Variants in BTAF1 observed in about 807,000 individuals in gnomAD.
BTAF1 encodes TATA-binding protein-associated factor 172.
BTAF1 carries 38 observed loss-of-function variants against 227.1 expected under a neutral mutation model. The ratio of observed to expected loss-of-function variants is 0.17; its 90% CI spans 0.13 to 0.22. The LOEUF (loss-of-function observed/expected upper bound fraction) is 0.22. Ranked by LOEUF, BTAF1 falls within the 10% of genes least tolerant of loss-of-function variation. The pLI is 1.00. For synonymous variants in BTAF1, 742 were observed against 751.9 expected, an observed-to-expected ratio of 0.99 and a Z score of 0.21; for missense variants, 1,598 against 2,204.0, an observed-to-expected ratio of 0.73 and a Z score of 5.51.
chr10:92,018,604 A>G (rs964445851), intron 33 of BTAF1, among the ~76,000 whole-genome samples, 179 bp from the exon 34 acceptor site: 5 of 152,246 alleles, frequency 3.3e-5, no homozygotes, highest in Non-Finnish European at 7.3e-5. Flanking sequence ...GAAACTGCAC[A>G]AGAATCTCAA....
chr10:91,970,469 C>T (rs986838322), intron 14 of BTAF1, among the ~76,000 whole-genome samples: 1 of 152,170 alleles, frequency 6.6e-6, no homozygotes, highest in Non-Finnish European at 1.5e-5. Flanking sequence ...GAGCAAGTCA[C>T]GTCCATGTGG....
chr10:91,979,272 C>T (rs1847917058), intron 14 of BTAF1, among the ~76,000 whole-genome samples: 1 of 152,078 alleles, frequency 6.6e-6, no homozygotes, highest in African/African-American at 2.4e-5. Context: ...AATAGTGTTG[C>T]AGTGAACATA....
At chr10:91,949,669 G>A (rs1429745934) in intron 4 of BTAF1, among the ~76,000 whole-genome samples, 1 of 152,174 alleles carries the variant, frequency 6.6e-6, no homozygotes, top group Non-Finnish European at 1.5e-5. Flanking sequence ...ATTGTCTGGA[G>A]TCTGCTCTGG....
At chr10:91,944,068 T>C (rs1212869737) in intron 4 of BTAF1, among the ~76,000 whole-genome samples, 2 of 152,058 alleles carry the variant, frequency 1.3e-5, no homozygotes, top group African/African-American at 2.4e-5. Flanking sequence ...GGAGAATGGC[T>C]TGAACCCGGG....
At chr10:91,962,803 C>T (rs964068627) in intron 12 of BTAF1, 125 bp downstream of exon 12, 1 of 717,786 alleles carries the variant, frequency 1.4e-6, no homozygotes, top group Non-Finnish European at 2.2e-6. Context: ...AACAACAGCC[C>T]TCTGATGCAT....
At chr10:91,959,740 GTATATATATATATATATA>G (rs200052275) in intron 9 of BTAF1, 27 bp from the exon 10 acceptor site, 4 of 226,550 alleles carry the variant, frequency 1.8e-5, no homozygotes, top group African/African-American at 5.3e-5. Flanking sequence ...GTGTGTGTGT[GTATATATATATATATATA>G]TATATATATA....
chr10:91,996,918 A>T (rs1357090055), intron 24 of BTAF1, among the ~76,000 whole-genome samples: 2 of 152,170 alleles, frequency 1.3e-5, no homozygotes, highest in Non-Finnish European at 2.9e-5. Context: ...CAGGTATTCT[A>T]TAGGTAGTCC....
chr10:92,014,585 A>G (rs970596560), intron 32 of BTAF1, among the ~76,000 whole-genome samples: 1 of 152,228 alleles, frequency 6.6e-6, no homozygotes, highest in Non-Finnish European at 1.5e-5. Flanking sequence ...TAAATTGCTA[A>G]GGAAATAAGC....
chr10:91,986,851 T>C (rs759842598), intron 19 of BTAF1, among the ~76,000 whole-genome samples: 1 of 151,976 alleles, frequency 6.6e-6, no homozygotes, highest in Non-Finnish European at 1.5e-5. Flanking sequence ...TTTTCTTTTT[T>C]TTTTCTGTAA....
intron 1 of BTAF1, among the ~76,000 whole-genome samples, chr10:91,934,121 TGTAAA>T (rs1236555646): frequency 6.6e-6 from 1 of 152,220 alleles, no homozygotes; most frequent in Non-Finnish European, 1.5e-5. Context: ...ATAGTGTATG[TGTAAA>T]GTAAATTAAT....
At chr10:92,009,339 A>AGT in intron 28 of BTAF1, 131 bp downstream of exon 28, 1 of 960,564 alleles carries the variant, frequency 1.0e-6, no homozygotes. Context: ...ACTTATGAAA[A>AGT]GTGAATGTAC....
At chr10:91,937,031 C>T (rs1415040813) in intron 2 of BTAF1, among the ~76,000 whole-genome samples, 1 of 147,272 alleles carries the variant, frequency 6.8e-6, no homozygotes, top group Non-Finnish European at 1.5e-5. Flanking sequence ...TTTTTTGAGA[C>T]AGTCTCAGGC....
intron 14 of BTAF1, among the ~76,000 whole-genome samples, chr10:91,978,697 TTAG>T (rs1223869447): frequency 1.3e-5 from 2 of 152,064 alleles, no homozygotes; most frequent in African/African-American, 4.8e-5. Flanking sequence ...TTTGAGCTAG[TTAG>T]TAGAATTTCT....
At chr10:91,940,904 G>T (rs903462640) in intron 3 of BTAF1, among the ~76,000 whole-genome samples, 1 of 151,840 alleles carries the variant, frequency 6.6e-6, no homozygotes, top group Non-Finnish European at 1.5e-5. Flanking sequence ...GGCTCGGGGG[G>T]GTGGGGTTTG....
At position 92,019,450 on chromosome 10, in the gene BTAF1, A is replaced by C. The variant is rs115369926; in HGVS notation, c.4863+515A>C. On this transcript the variant is annotated intron_variant, in intron 34 of 37. Coordinates refer to ENST00000265990, the MANE Select transcript of BTAF1 (RefSeq NM_003972.3). Reference sequence around the variant, plus strand: ...TTGTTTTCACCTTTTGGCTATTATGAATAATGCTGCAGTGAACATTGGCTT... The same window carrying C: ...TTGTTTTCACCTTTTGGCTATTATGCATAATGCTGCAGTGAACATTGGCTT... Among the ~76,000 whole-genome samples, 589 of 152,294 alleles carry C rather than the reference A, an allele frequency of 3.9e-3. 5 individuals are homozygous for C. The highest frequency in any genetic ancestry group is 0.013 in the African/African-American group (543 of 41,566).
intron 25 of BTAF1, among the ~76,000 whole-genome samples, chr10:92,005,236 G>GTTTT (rs74317359): frequency 2.0e-5 from 3 of 151,538 alleles, no homozygotes; most frequent in South Asian, 4.2e-4. Flanking sequence ...TTCCACATGA[G>GTTTT]TTTTTTTGTT....
chr10:91,949,355 C>T (rs11186764), intron 4 of BTAF1, among the ~76,000 whole-genome samples: 41,511 of 152,116 alleles, frequency 0.27, 6,934 homozygotes, highest in Non-Finnish European at 0.38. Flanking sequence ...TTAATTCTAA[C>T]ATCTGAGACA....
At chr10:91,937,732 A>G (rs1375514816) in intron 2 of BTAF1, among the ~76,000 whole-genome samples, 1 of 152,152 alleles carries the variant, frequency 6.6e-6, no homozygotes, top group Non-Finnish European at 1.5e-5. Context: ...TGTATTATGA[A>G]AAATGCTGCT....
chr10:92,005,450 T>C (rs1849814189), intron 25 of BTAF1, among the ~76,000 whole-genome samples: 1 of 152,216 alleles, frequency 6.6e-6, no homozygotes, highest in Non-Finnish European at 1.5e-5. Flanking sequence ...TCCAAGAACA[T>C]TTATTTTCCA....
Sources: allele counts gnomAD v4.1 joint callset (sites outside exome capture counted in the v4.1 genomes callset), GRCh38; gene constraint gnomAD v4.1.1; transcripts MANE v1.5; gene names NCBI Gene and HGNC (gene_info 2026-07-23, HGNC 2026-07-21).